The following DRD4 variants were observed in gnomAD, a reference collection of about 807,000 sequenced individuals.
DRD4 encodes dopamine receptor D4, also known as D(4) dopamine receptor.
A neutral mutation model predicts 22.1 loss-of-function variants in DRD4; 26 were observed. The observed-to-expected ratio is 1.17, with a 90% CI of 0.86 to 1.63. The LOEUF is 1.63. Among genes scored for constraint, DRD4 ranks in the 40% most tolerant of loss-of-function variants. The pLI is 0.00. For missense variants in DRD4, 913 were observed against 632.4 expected, an observed-to-expected ratio of 1.44 and a Z score of -4.76; for synonymous variants, 455 against 306.7, an observed-to-expected ratio of 1.48 and a Z score of -5.05.
At position 640,534 on chromosome 11, in the gene DRD4, C is replaced by G; in HGVS notation, c.1191C>G (p.Pro397=). ...GCTACGTCAACAGCGCCCTCAACCC[C>G]GTCATCTACACTGTCTTCAACGCCG... is the stretch of plus-strand genomic sequence containing the variant. The part of the protein sequence containing the change: ...WLGYVNSALN[P]VIYTVFNAEF... Residue 397 remains proline, a synonymous_variant, in exon 4 of 4, where the codon CCC becomes CCG. Coordinates refer to ENST00000176183, the MANE Select transcript of DRD4 (RefSeq NM_000797.4). 1 of 1,600,856 alleles carries G rather than the reference C, an allele frequency of 6.2e-7. No individual in the cohort carries two copies. Among genetic ancestry groups the G allele is most frequent in the South Asian group, 1.1e-5 (1 of 91,078 alleles).
At chr11:639,390 G>A (rs776908772) in intron 1 of DRD4, 43 bp from the exon 2 acceptor site, 5 of 1,531,788 alleles carry the variant, frequency 3.3e-6, no homozygotes, top group Middle Eastern at 1.7e-4. Context: ...ACAAGGGCCC[G>A]CGGTGGCTGG....
chr11:639,287 G>C (rs1466957366), intron 1 of DRD4, 146 bp from the exon 2 acceptor site: 3 of 737,302 alleles, frequency 4.1e-6, no homozygotes, highest in Non-Finnish European at 6.9e-6. Flanking sequence ...GGGAAGGGGT[G>C]TTTCCCTGCC....
rs762019616 is a variant in DRD4, at chr11:640,539, T to C, written c.1196T>C (p.Ile399Thr). ...GYVNSALNPV[I>T]YTVFNAEFRN... ...GTCAACAGCGCCCTCAACCCCGTCATCTACACTGTCTTCAACGCCGAGTTC... is the reference window on the plus strand; with the variant it reads ...GTCAACAGCGCCCTCAACCCCGTCACCTACACTGTCTTCAACGCCGAGTTC... Residue 399 changes from isoleucine to threonine, a missense_variant, in exon 4 of 4, where the codon ATC (isoleucine) becomes ACC (threonine). Transcript: ENST00000176183. The C allele has an allele frequency of 3.7e-6, 6 of 1,600,478 alleles. No homozygotes were observed. Among genetic ancestry groups the C allele is most frequent in the African/African-American group, 1.3e-5 (1 of 74,934 alleles).
At position 637,518 on chromosome 11, in the gene DRD4, T is replaced by C. The variant is rs777327959; in HGVS notation, c.214T>C (p.Phe72Leu). The C allele has an allele frequency of 6.4e-7, 1 of 1,565,010 alleles. No homozygotes were observed. Among genetic ancestry groups the C allele is most frequent in the South Asian group, 1.2e-5 (1 of 85,664 alleles). Residue 72 changes from phenylalanine to leucine, a missense_variant, in exon 1 of 4, where the codon TTC becomes CTC. Physicochemically the swap from Phe to Leu is conservative, Grantham distance 22. Transcript: ENST00000176183. ...ERALQTPTNS[F>L]IVSLAAADLL... The stretch of plus-strand genomic sequence containing the variant: ...CGCCCTGCAGACGCCCACCAACTCC[T>C]TCATCGTGAGCCTGGCGGCCGCCGA...
rs1858224025 is a variant in DRD4, at chr11:640,698, C to G, written c.*95C>G. On this transcript the variant is annotated 3_prime_UTR_variant, in exon 4 of 4. Coordinates refer to ENST00000176183, the MANE Select transcript of DRD4 (RefSeq NM_000797.4). ...TTTTGTACGTTAATTAAACAAATTC[C>G]TTCCCAAACTCAGCTGTGAAGGCTC... 6.9e-7 allele frequency: 1 copy of G among 1,439,892 alleles called. No individual in the cohort carries two copies. The highest frequency in any genetic ancestry group is 9.5e-7 in the Non-Finnish European group (1 of 1,052,572). 89.2% of individuals were successfully genotyped at this position (1,439,892 alleles called of 1,614,324 possible). A position where few individuals can be genotyped will look rare whatever the true frequency, so the allele number is the denominator to read the frequency against.
chr11:638,575 T>A (rs1239579979), intron 1 of DRD4, among the ~76,000 whole-genome samples: 11 of 152,138 alleles, frequency 7.2e-5, no homozygotes, highest in African/African-American at 2.7e-4. Context: ...TTCAAGACAA[T>A]TATGATGTGG....
In DRD4 at chr11:640,214, C is replaced by T; in HGVS notation, c.965C>T (p.Pro322Leu). ...PPDAVRAAAL[P>L]PQTPPQTRRR... ...GACGCCGTCAGAGCCGCCGCGCTCC[C>T]ACCCCAGACTCCACCGCAGACCCGC... Residue 322 changes from proline to leucine, a missense_variant, in exon 3 of 4, where the codon CCA becomes CTA. By Grantham distance (98) the Pro-to-Leu change is moderately conservative (BLOSUM62 -3). Transcript: ENST00000176183. 5 of 1,532,024 alleles carry T rather than the reference C, an allele frequency of 3.3e-6. No homozygotes were observed. Among genetic ancestry groups the T allele is most frequent in the Non-Finnish European group, 4.4e-6 (5 of 1,146,054 alleles). 94.9% of individuals were successfully genotyped at this position (1,532,024 alleles called of 1,614,324 possible). A position where few individuals can be genotyped will look rare whatever the true frequency, so the allele number is the denominator to read the frequency against.
chr11:640,646 CA>C lies in DRD4; in HGVS notation c.*44del, dbSNP rs746212534. On this transcript the variant is annotated 3_prime_UTR_variant, in exon 4 of 4. Coordinates refer to ENST00000176183, the MANE Select transcript of DRD4 (RefSeq NM_000797.4). ...GCCCCCCGGCCTGATGGCCAGGCCT[CA>C]GGGACCAAGGAGATGGGGAGGGCGC... The C allele has an allele frequency of 1.3e-6, 2 of 1,595,302 alleles. No homozygotes were observed. The highest frequency in any genetic ancestry group is 4.5e-5 in the East Asian group (2 of 44,832).
intron 1 of DRD4, 52 bp from the exon 2 acceptor site, chr11:639,381 C>T (rs1858146038): frequency 1.3e-6 from 2 of 1,514,624 alleles, no homozygotes; most frequent in Non-Finnish European, 1.8e-6. Context: ...GGGCGGGTCA[C>T]AAGGGCCCGC....
rs748996841 is a variant in DRD4 at position 639,925 on chromosome 11, C to G, written c.676C>G (p.Arg226Gly). ...CGGCCTGCAGCGCTGGGAGGTGGCACGTCGCGCCAAGCTGCACGGCCGCGC... is the reference window on the plus strand; with the variant it reads ...CGGCCTGCAGCGCTGGGAGGTGGCAGGTCGCGCCAAGCTGCACGGCCGCGC... ...FRGLQRWEVA[R>G]RAKLHGRAPR... is the part of the protein sequence containing the mutation. The change falls in exon 3 of 4, where the codon CGT becomes GGT. Residue 226 changes from arginine to glycine, a missense_variant. Physicochemically the swap from Arg to Gly is moderately radical, Grantham distance 125 (BLOSUM62 -2). Transcript: ENST00000176183. 5.9e-6 allele frequency: 9 copies of G among 1,537,046 alleles called. No individual in the cohort carries two copies. The Admixed American group carries it at 1.1e-4, about 19-fold the overall frequency.
At chr11:637,934 C>G (rs1163986620) in intron 1 of DRD4, among the ~76,000 whole-genome samples, 1 of 152,232 alleles carries the variant, frequency 6.6e-6, no homozygotes, top group Non-Finnish European at 1.5e-5. Context: ...ACCTCCAGGG[C>G]AGCCAGCTGG....
rs958733560 is a variant in DRD4 at position 640,275 on chromosome 11, C to T, written c.1026C>T (p.Arg342=). Residue 342 remains arginine (R), a synonymous_variant, in exon 3 of 4, where the codon CGC becomes CGT. Transcript: ENST00000176183. Reference sequence around the variant, plus strand: ...GTGCCAAGATCACCGGCCGGGAGCGCAAGGCCATGAGGGTCCTGCCGGTGG... The same window carrying T: ...GTGCCAAGATCACCGGCCGGGAGCGTAAGGCCATGAGGGTCCTGCCGGTGG... The part of the protein sequence containing the change: ...RRRAKITGRE[R]KAMRVLPVVV... The T allele has an allele frequency of 1.3e-6, 2 of 1,534,224 alleles. No homozygotes were observed. Among genetic ancestry groups the T allele is most frequent in the African/African-American group, 1.4e-5 (1 of 73,086 alleles).
chr11:639,139 C>T (rs771322545), intron 1 of DRD4: 24 of 452,766 alleles, frequency 5.3e-5, no homozygotes, highest in Non-Finnish European at 8.9e-5. Context: ...GCTGTAATCC[C>T]AGCTACTCTG....
In DRD4 at chr11:640,413, T is replaced by A; in HGVS notation, c.1070T>A (p.Leu357Gln). 6.3e-7 allele frequency: 1 copy of A among 1,599,892 alleles called. No homozygotes were observed. Among genetic ancestry groups the A allele is most frequent in the Non-Finnish European group, 8.5e-7 (1 of 1,179,634 alleles). ...TCGGCGCCCCCAGGGGCCTTCCTGC[T>A]GTGCTGGACGCCCTTCTTCGTGGTG... The part of the protein sequence containing the change: ...VLPVVVGAFL[L>Q]CWTPFFVVHI... Residue 357 changes from leucine (L) to glutamine (Q), a missense_variant, in exon 4 of 4, where the codon CTG (leucine) becomes CAG (glutamine). Transcript: ENST00000176183.
Position 640,218 on chromosome 11 carries a change from CCA to C in DRD4, c.970_971del (p.Gln324AspfsTer125), listed in dbSNP as rs1256895803. On this transcript the variant is annotated frameshift_variant, in exon 3 of 4. Transcript: ENST00000176183. LOFTEE classifies it high-confidence loss of function. ...CCGTCAGAGCCGCCGCGCTCCCACCCCAGACTCCACCGCAGACCCGCAGGAGG... is the reference window on the plus strand; with the variant it reads ...CCGTCAGAGCCGCCGCGCTCCCACCCGACTCCACCGCAGACCCGCAGGAGG... ...DAVRAAALPPQTPPQTRRRRR... is the reference protein window; with the variant it reads ...DAVRAAALPPXTPPQTRRRRR... 11 of 1,532,910 alleles carry C rather than the reference CCA, an allele frequency of 7.2e-6. No homozygotes were observed. In the Admixed American group the frequency reaches 1.2e-4, roughly 16 times the overall value. 95.0% of individuals were successfully genotyped at this position (1,532,910 alleles called of 1,614,324 possible). A position where few individuals can be genotyped will look rare whatever the true frequency, so the allele number is the denominator to read the frequency against.
In DRD4 at chr11:640,545, C is replaced by G. The variant is rs772127667; in HGVS notation, c.1202C>G (p.Thr401Ser). The G allele has an allele frequency of 6.2e-7, 1 of 1,600,820 alleles. No homozygotes were observed. Among genetic ancestry groups the G allele is most frequent in the East Asian group, 2.2e-5 (1 of 44,878 alleles). Reference sequence around the variant, plus strand: ...AGCGCCCTCAACCCCGTCATCTACACTGTCTTCAACGCCGAGTTCCGCAAC... The same window carrying G: ...AGCGCCCTCAACCCCGTCATCTACAGTGTCTTCAACGCCGAGTTCCGCAAC... ...VNSALNPVIY[T>S]VFNAEFRNVF... Residue 401 changes from threonine (T) to serine (S), a missense_variant, in exon 4 of 4, where the codon ACT becomes AGT. Thr to Ser is a moderately conservative substitution (Grantham distance 58). Coordinates refer to ENST00000176183, the MANE Select transcript of DRD4 (RefSeq NM_000797.4).
intron 1 of DRD4, among the ~76,000 whole-genome samples, chr11:638,826 T>A (rs1209722241): frequency 1.3e-5 from 2 of 152,186 alleles, no homozygotes; most frequent in Non-Finnish European, 2.9e-5. Context: ...CCAGAAGCCG[T>A]GATTCACGCC....
In DRD4 at chr11:637,361, C is replaced by A; in HGVS notation, c.57C>A (p.Ala19=). The part of the protein sequence containing the change: ...ADGLLAGRGP[A]AGASAGASAG... Reference sequence around the variant, plus strand: ...GGCTGCTGGCTGGGCGCGGGCCGGCCGCGGGGGCATCTGCGGGGGCATCTG... The same window carrying A: ...GGCTGCTGGCTGGGCGCGGGCCGGCAGCGGGGGCATCTGCGGGGGCATCTG... The change falls in exon 1 of 4, where the codon GCC becomes GCA. Residue 19 remains alanine (A), a synonymous_variant. Transcript: ENST00000176183. 1 of 1,316,150 alleles carries A rather than the reference C, an allele frequency of 7.6e-7. No individual in the cohort carries two copies. Among genetic ancestry groups the A allele is most frequent in the Non-Finnish European group, 9.6e-7 (1 of 1,041,066 alleles). 81.5% of individuals were successfully genotyped at this position (1,316,150 alleles called of 1,614,324 possible).
In DRD4 at chr11:640,670, C is replaced by G; in HGVS notation, c.*67C>G. 6.5e-7 allele frequency: 1 copy of G among 1,550,146 alleles called. No individual in the cohort carries two copies. The highest frequency in any genetic ancestry group is 1.4e-5 in the African/African-American group (1 of 73,748). On this transcript the variant is annotated 3_prime_UTR_variant, in exon 4 of 4. Transcript: ENST00000176183. ...TCAGGGACCAAGGAGATGGGGAGGG[C>G]GCTTTTGTACGTTAATTAAACAAAT...
Sources: gnomAD v4.1 joint callset for allele counts (sites outside exome capture counted in the v4.1 genomes callset) on GRCh38, gnomAD v4.1.1 for gene constraint, MANE v1.5 for transcripts, NCBI Gene and HGNC (gene_info 2026-07-23, HGNC 2026-07-21) for gene names.